Variants in MTA3 observed in about 807,000 individuals in gnomAD.
MTA3 encodes metastasis-associated protein MTA3.
In MTA3, 34 loss-of-function variants were observed where a neutral mutation model predicts 83.5. The observed-to-expected ratio is 0.41, with a 90% CI of 0.31 to 0.54. The LOEUF (loss-of-function observed/expected upper bound fraction) is 0.54, where lower values mean the gene tolerates loss of function less well. Among genes scored for constraint, MTA3 ranks in the 20% least tolerant of loss-of-function variants. The pLI is 0.33. For missense variants in MTA3, 761 were observed against 726.4 expected, an observed-to-expected ratio of 1.05 and a Z score of -0.55; for synonymous variants, 303 against 252.7, an observed-to-expected ratio of 1.20 and a Z score of -1.89.
chr2:42,548,626 C>G (rs903863545), intron 2 of MTA3, among the ~76,000 whole-genome samples: 1 of 145,760 alleles, frequency 6.9e-6, no homozygotes, highest in African/African-American at 2.6e-5. Context: ...AACGCCATCT[C>G]TACAGAAAAC....
At chr2:42,529,379 A>T (rs1003666416) in intron 2 of MTA3, among the ~76,000 whole-genome samples, 1 of 152,228 alleles carries the variant, frequency 6.6e-6, no homozygotes. Flanking sequence ...CAGCTTCACC[A>T]GCCCCTGGTC....
intron 4 of MTA3, among the ~76,000 whole-genome samples, chr2:42,629,751 A>G (rs989120608): frequency 1.3e-5 from 2 of 151,880 alleles, no homozygotes; most frequent in African/African-American, 4.8e-5. Context: ...GGGCCTTTAA[A>G]CTGGTTGCTG....
At chr2:42,687,611 T>C (rs1246645995) in intron 9 of MTA3, among the ~76,000 whole-genome samples, 1 of 152,222 alleles carries the variant, frequency 6.6e-6, no homozygotes, top group Non-Finnish European at 1.5e-5. Context: ...AACTATATGT[T>C]TAACTTTATA....
At chr2:42,744,100 C>G (rs1000184707) in intron 16 of MTA3, among the ~76,000 whole-genome samples, 3 of 152,086 alleles carry the variant, frequency 2.0e-5, no homozygotes, top group African/African-American at 7.2e-5. Context: ...GACTATTATG[C>G]CCCCAGGGTT....
chr2:42,696,321 T>A (rs1573656391), intron 10 of MTA3, among the ~76,000 whole-genome samples: 1 of 152,204 alleles, frequency 6.6e-6, no homozygotes, highest in Admixed American at 6.5e-5. Context: ...TAGTATGGTG[T>A]TTTTGTACTG....
In MTA3 at chr2:42,711,783, A is replaced by AGTGTGTGTGTGTGT. The variant is rs763894802; in HGVS notation, c.1525+2706_1525+2719dup. On this transcript the variant is annotated intron_variant, in intron 14 of 16. Coordinates refer to ENST00000405094, the MANE Select transcript of MTA3 (RefSeq NM_001330442.2). ...CTGGGAGTGTATAGGAGAGAGAGAG[A>AGTGTGTGTGTGTGT]GTGTGTGTGTGTGTGTGTGTGTGTG... Among the ~76,000 whole-genome samples the AGTGTGTGTGTGTGT allele has an allele frequency of 1.8e-4, 26 of 147,742 alleles. 1 individual carries two copies. The highest frequency in any genetic ancestry group is 5.8e-4 in the African/African-American group (23 of 39,484).
intron 2 of MTA3, among the ~76,000 whole-genome samples, chr2:42,531,866 C>G (rs1181467451): frequency 2.0e-5 from 3 of 152,082 alleles, no homozygotes; most frequent in South Asian, 2.1e-4. Flanking sequence ...ACGCCATTCT[C>G]CCGCCTCAGC....
chr2:42,647,816 A>G (rs1688355782), intron 6 of MTA3, among the ~76,000 whole-genome samples: 2 of 152,188 alleles, frequency 1.3e-5, no homozygotes, highest in African/African-American at 2.4e-5. Flanking sequence ...TAATCAGGCA[A>G]CTGAGTAGAT....
intron 3 of MTA3, among the ~76,000 whole-genome samples, chr2:42,608,297 C>G (rs988264804): frequency 6.6e-6 from 1 of 152,200 alleles, no homozygotes; most frequent in African/African-American, 2.4e-5. Flanking sequence ...GCCAATGCAG[C>G]AGCAACTTTA....
chr2:42,657,657 G>C (rs1480487410), intron 7 of MTA3, among the ~76,000 whole-genome samples: 1 of 151,540 alleles, frequency 6.6e-6, no homozygotes, highest in Non-Finnish European at 1.5e-5. Flanking sequence ...GCTGGGAATG[G>C]TGGCTTATGC....
intron 2 of MTA3, among the ~76,000 whole-genome samples, chr2:42,519,591 G>C (rs1441801682): frequency 1.4e-5 from 2 of 148,144 alleles, no homozygotes; most frequent in Non-Finnish European, 3.0e-5. Flanking sequence ...GGGTGACAGA[G>C]TGAGACTCTG....
At chr2:42,537,163 G>A (rs115478516) in intron 2 of MTA3, among the ~76,000 whole-genome samples, 15 of 152,236 alleles carry the variant, frequency 9.9e-5, no homozygotes, top group African/African-American at 3.6e-4. Flanking sequence ...TCCCAGCATA[G>A]ACACACCTCT....
chr2:42,691,972 A>T (rs1692940378), intron 9 of MTA3, among the ~76,000 whole-genome samples: 1 of 152,048 alleles, frequency 6.6e-6, no homozygotes, highest in Admixed American at 6.6e-5. Flanking sequence ...TGGGAGTTTG[A>T]TTATAACCTT....
At chr2:42,499,540 C>G (rs572433731) in intron 2 of MTA3, among the ~76,000 whole-genome samples, 2 of 151,500 alleles carry the variant, frequency 1.3e-5, no homozygotes, top group East Asian at 2.0e-4. Context: ...GCCTGTAATC[C>G]CAGCACTTTC....
chr2:42,693,113 C>T (rs566905826), intron 9 of MTA3, among the ~76,000 whole-genome samples: 109 of 152,198 alleles, frequency 7.2e-4, no homozygotes, highest in African/African-American at 2.4e-3. Context: ...TTCCCCTCCC[C>T]CTCCTTCCTT....
chr2:42,522,396 G>A (rs929991638), intron 2 of MTA3, among the ~76,000 whole-genome samples: 4 of 152,086 alleles, frequency 2.6e-5, no homozygotes, highest in African/African-American at 9.7e-5. Context: ...GAATAATTTC[G>A]TTCCTTGCAC....
intron 2 of MTA3, among the ~76,000 whole-genome samples, chr2:42,560,939 T>A (rs186692803): frequency 3.2e-4 from 49 of 152,208 alleles, no homozygotes; most frequent in Non-Finnish European, 1.5e-5. Flanking sequence ...TAAGTCTCCA[T>A]TATTCCATGT....
chr2:42,580,283 A>G (rs777983701), intron 3 of MTA3, among the ~76,000 whole-genome samples: 24 of 151,072 alleles, frequency 1.6e-4, no homozygotes, highest in Admixed American at 6.6e-4. Context: ...GCCCAGCCAC[A>G]TTTTTCCCCC....
chr2:42,720,246 A>T (rs554848372), intron 15 of MTA3, among the ~76,000 whole-genome samples: 1 of 152,036 alleles, frequency 6.6e-6, no homozygotes, highest in South Asian at 2.1e-4. Flanking sequence ...GCAGTGGCGC[A>T]ATCTCGGCTC....
Sources: gnomAD v4.1 joint callset for allele counts (sites outside exome capture counted in the v4.1 genomes callset) on GRCh38, gnomAD v4.1.1 for gene constraint, MANE v1.5 for transcripts, NCBI Gene and HGNC (gene_info 2026-07-23, HGNC 2026-07-21) for gene names.